ROR1: variants seen among roughly 807,000 people sequenced by gnomAD.
ROR1 encodes the protein inactive tyrosine-protein kinase transmembrane receptor ROR1.
In ROR1, 19 loss-of-function variants were observed where a neutral mutation model predicts 78.8. That is an observed-to-expected ratio of 0.24 (90% CI 0.17 to 0.35). The LOEUF (loss-of-function observed/expected upper bound fraction) is 0.35, where lower values mean the gene tolerates loss of function less well. Ranked by LOEUF, ROR1 falls within the 10% of genes least tolerant of loss-of-function variation. The pLI, the probability that ROR1 is intolerant of heterozygous loss-of-function variation, is 1.00. For synonymous variants in ROR1, 386 were observed against 433.6 expected, an observed-to-expected ratio of 0.89 and a Z score of 1.36; for missense variants, 917 against 1,177.8, an observed-to-expected ratio of 0.78 and a Z score of 3.24.
At chr1:63,940,594 A>T (rs1344022698) in intron 1 of ROR1, among the ~76,000 whole-genome samples, 1 of 152,172 alleles carries the variant, frequency 6.6e-6, no homozygotes, top group Non-Finnish European at 1.5e-5. Context: ...GCCAACTGAC[A>T]TATGTGACAT....
chr1:63,838,403 G>A (rs531192408), intron 1 of ROR1, among the ~76,000 whole-genome samples: 1 of 152,130 alleles, frequency 6.6e-6, no homozygotes, highest in Non-Finnish European at 1.5e-5. Flanking sequence ...GGGACAAGAT[G>A]TGGAGGTGGA....
intron 4 of ROR1, among the ~76,000 whole-genome samples, chr1:64,100,145 G>A (rs1333324841): frequency 3.3e-5 from 5 of 151,958 alleles, no homozygotes; most frequent in African/African-American, 1.2e-4. Flanking sequence ...TAGATGTTGA[G>A]TTAAATTCAA....
chr1:63,847,482 C>G (rs1402224058), intron 1 of ROR1, among the ~76,000 whole-genome samples: 2 of 151,992 alleles, frequency 1.3e-5, no homozygotes, highest in Non-Finnish European at 2.9e-5. Flanking sequence ...ATTCATCTCC[C>G]AGAGACTCCT....
intron 2 of ROR1, among the ~76,000 whole-genome samples, chr1:64,046,775 G>A (rs758516407): frequency 7.2e-5 from 11 of 152,228 alleles, no homozygotes; most frequent in Non-Finnish European, 1.3e-4. Flanking sequence ...AAGCAGACTG[G>A]TGGAGTGAAA....
At chr1:64,131,426 G>A (rs1334910717) in intron 4 of ROR1, among the ~76,000 whole-genome samples, 1 of 152,020 alleles carries the variant, frequency 6.6e-6, no homozygotes, top group Non-Finnish European at 1.5e-5. Flanking sequence ...GCTTATATCA[G>A]TTTAGTCTGC....
chr1:63,942,674 G>A (rs1234443233), intron 1 of ROR1, among the ~76,000 whole-genome samples: 1 of 152,154 alleles, frequency 6.6e-6, no homozygotes, highest in Admixed American at 6.5e-5. Context: ...AGTATGTGAA[G>A]AAAAGACACC....
At chr1:63,917,116 C>A (rs552903965) in intron 1 of ROR1, among the ~76,000 whole-genome samples, 1 of 152,146 alleles carries the variant, frequency 6.6e-6, no homozygotes, top group Admixed American at 6.5e-5. Context: ...CATCAGGTGA[C>A]CTCTTACATT....
chr1:63,928,064 G>A (rs559097293), intron 1 of ROR1, among the ~76,000 whole-genome samples: 1 of 151,662 alleles, frequency 6.6e-6, no homozygotes, highest in Non-Finnish European at 1.5e-5. Flanking sequence ...TTGTCCTCAT[G>A]GAAGTCACCA....
At chr1:63,842,575 G>C (rs1371396930) in intron 1 of ROR1, among the ~76,000 whole-genome samples, 1 of 152,146 alleles carries the variant, frequency 6.6e-6, no homozygotes, top group Non-Finnish European at 1.5e-5. Context: ...AGTTAGTCTG[G>C]AACCAAGGGC....
chr1:63,846,118 A>ATGTG (rs71056009), intron 1 of ROR1, among the ~76,000 whole-genome samples: 124 of 136,412 alleles, frequency 9.1e-4, no homozygotes, highest in Middle Eastern at 3.8e-3. Flanking sequence ...GAGAGAGAGA[A>ATGTG]TGTGTGTGTG....
chr1:63,984,427 T>C (rs940407752), intron 1 of ROR1, among the ~76,000 whole-genome samples: 2 of 152,158 alleles, frequency 1.3e-5, no homozygotes, highest in African/African-American at 4.8e-5. Flanking sequence ...TTGTCCATCC[T>C]TGGGAGGGTG....
At chr1:63,917,418 T>A (rs149476949) in intron 1 of ROR1, among the ~76,000 whole-genome samples, 1 of 152,178 alleles carries the variant, frequency 6.6e-6, no homozygotes, top group East Asian at 1.9e-4. Flanking sequence ...TTTTGGCATA[T>A]ACTTTAAAAT....
intron 1 of ROR1, among the ~76,000 whole-genome samples, chr1:63,888,719 A>T (rs1645374064): frequency 6.6e-6 from 1 of 152,192 alleles, no homozygotes; most frequent in African/African-American, 2.4e-5. Context: ...AATATAAATG[A>T]CAATAAAGTG....
At chr1:64,108,333 G>T (rs1025654064) in intron 4 of ROR1, 1 of 138,298 alleles carries the variant, frequency 7.2e-6, no homozygotes, top group African/African-American at 2.7e-5. Context: ...GGAGGCAGAG[G>T]TTGCAGTGAG....
chr1:63,791,485 T>G (rs1172345514), intron 1 of ROR1, among the ~76,000 whole-genome samples: 2 of 152,194 alleles, frequency 1.3e-5, no homozygotes, highest in African/African-American at 4.8e-5. Context: ...CCTGTAATGT[T>G]GATTCTTGAC....
chr1:63,926,232 T>C (rs1249975269), intron 1 of ROR1, among the ~76,000 whole-genome samples: 3 of 149,506 alleles, frequency 2.0e-5, no homozygotes, highest in African/African-American at 7.4e-5. Context: ...TTTCTACATA[T>C]GGCTAGCCAG....
At chr1:64,147,896 C>T (rs1195621062) in intron 7 of ROR1, among the ~76,000 whole-genome samples, 1 of 152,044 alleles carries the variant, frequency 6.6e-6, no homozygotes, top group Non-Finnish European at 1.5e-5. Context: ...TTTTGGTTAT[C>T]ACAAGTGGGT....
chr1:64,129,182 A>G (rs1184459608), intron 4 of ROR1, among the ~76,000 whole-genome samples: 2 of 152,224 alleles, frequency 1.3e-5, no homozygotes, highest in Admixed American at 6.5e-5. Context: ...ATGAGACAGA[A>G]AAGCAAGAAT....
At chr1:64,041,803 CT>C (rs1467351438) in intron 2 of ROR1, among the ~76,000 whole-genome samples, 1 of 152,198 alleles carries the variant, frequency 6.6e-6, no homozygotes, top group Non-Finnish European at 1.5e-5. Context: ...CAGCACAGCA[CT>C]TCTTTTCTTT....
Sources: allele counts gnomAD v4.1 joint callset (sites outside exome capture counted in the v4.1 genomes callset), GRCh38; gene constraint gnomAD v4.1.1; transcripts MANE v1.5; gene names NCBI Gene and HGNC (gene_info 2026-07-23, HGNC 2026-07-21).